DGKH: variants seen among roughly 807,000 people sequenced by gnomAD.
DGKH encodes the protein DAG kinase eta.
A neutral mutation model predicts 159.3 loss-of-function variants in DGKH; 90 were observed. The observed-to-expected ratio is 0.57, with a 90% CI of 0.48 to 0.67. DGKH has a LOEUF of 0.67. Ranked by LOEUF, DGKH falls within the 30% of genes least tolerant of loss-of-function variation. The probability of loss-of-function intolerance (pLI) is 0.00; values close to 1 mark genes in which losing one functional copy is unlikely to be tolerated. For synonymous variants in DGKH, 536 were observed against 553.8 expected, an observed-to-expected ratio of 0.97 and a Z score of 0.45; for missense variants, 1,181 against 1,506.1, an observed-to-expected ratio of 0.78 and a Z score of 3.57.
intron 3 of DGKH, chr13:42,153,754 A>G (rs1955974349): frequency 6.6e-6 from 1 of 152,238 alleles, no homozygotes; most frequent in South Asian, 2.1e-4. Context: ...ATTCAGGAAG[A>G]GAAGTGACCA....
At chr13:42,146,879 G>A (rs1004886552) in intron 3 of DGKH, among the ~76,000 whole-genome samples, 3 of 152,194 alleles carry the variant, frequency 2.0e-5, no homozygotes, top group African/African-American at 7.2e-5. Context: ...TTTGAATTTT[G>A]TATCATAAAT....
chr13:42,129,176 T>G (rs942793637), intron 2 of DGKH, among the ~76,000 whole-genome samples: 1 of 152,216 alleles, frequency 6.6e-6, no homozygotes, highest in African/African-American at 2.4e-5. Flanking sequence ...CTTGCAAACC[T>G]GGAAACAATG....
intron 30 of DGKH, among the ~76,000 whole-genome samples, chr13:42,254,446 A>G (rs988674410): frequency 1.3e-5 from 2 of 152,182 alleles, no homozygotes; most frequent in African/African-American, 2.4e-5. Flanking sequence ...AGCCTGGCCA[A>G]CATGGTGATA....
At chr13:42,082,775 T>TA (rs1175720538) in intron 1 of DGKH, among the ~76,000 whole-genome samples, 1 of 152,238 alleles carries the variant, frequency 6.6e-6, no homozygotes, top group Non-Finnish European at 1.5e-5. Flanking sequence ...ACATCAGTAA[T>TA]ACTCTGTATT....
chr13:42,151,623 A>G (rs1955907014), intron 3 of DGKH, among the ~76,000 whole-genome samples: 1 of 146,668 alleles, frequency 6.8e-6, no homozygotes, highest in South Asian at 2.2e-4. Context: ...ACCCCATGGA[A>G]AACTACTCAG....
chr13:42,216,615 C>T (rs1383680655), intron 26 of DGKH: 3 of 152,172 alleles, frequency 2.0e-5, no homozygotes, highest in African/African-American at 7.2e-5. Flanking sequence ...AAAAGTGCCA[C>T]CTTTGGGGCA....
At chr13:42,121,041 T>G (rs1955058428) in intron 1 of DGKH, among the ~76,000 whole-genome samples, 1 of 145,482 alleles carries the variant, frequency 6.9e-6, no homozygotes, top group African/African-American at 2.5e-5. Context: ...ACCACATTTT[T>G]CTATGAAAGT....
chr13:42,061,976 A>AGTGTGTGTGTGG (rs1566081054), intron 1 of DGKH, among the ~76,000 whole-genome samples: 2 of 78,548 alleles, frequency 2.5e-5, no homozygotes, highest in South Asian at 6.2e-4. Flanking sequence ...AAAGATGGAG[A>AGTGTGTGTGTGG]GTGTGTGTGT....
At chr13:42,142,881 C>T (rs1039032372) in intron 3 of DGKH, among the ~76,000 whole-genome samples, 1 of 152,126 alleles carries the variant, frequency 6.6e-6, no homozygotes, top group African/African-American at 2.4e-5. Context: ...AACTGAATAC[C>T]GTTTATTTCC....
chr13:42,110,223 G>A (rs895677285), intron 1 of DGKH, among the ~76,000 whole-genome samples: 2 of 152,134 alleles, frequency 1.3e-5, no homozygotes, highest in Non-Finnish European at 2.9e-5. Flanking sequence ...GCAGTCAGAT[G>A]CCTGCACTTC....
chr13:42,186,013 GTGTGTGTGTGT>G (rs1407831227), intron 13 of DGKH, among the ~76,000 whole-genome samples: 19 of 50,128 alleles, frequency 3.8e-4, no homozygotes, highest in African/African-American at 6.1e-4. Flanking sequence ...TGGTGGTGGT[GTGTGTGTGTGT>G]GTGTGTGTGT....
At chr13:42,187,500 C>T (rs769227285) in intron 14 of DGKH, among the ~76,000 whole-genome samples, 1 of 152,064 alleles carries the variant, frequency 6.6e-6, no homozygotes, top group Admixed American at 6.6e-5. Flanking sequence ...TCTCAGCCCC[C>T]CAAGTAGCTG....
intron 3 of DGKH, among the ~76,000 whole-genome samples, chr13:42,132,963 TC>T (rs1955319456): frequency 6.6e-6 from 1 of 151,838 alleles, no homozygotes; most frequent in Non-Finnish European, 1.5e-5. Context: ...GGTCAGGAGA[TC>T]GAGACCATCC....
rs922720724 is a variant in DGKH, at chr13:42,235,943, A to G, written c.*6755A>G. ...ATATTAAAATTTTTCTTATCTTTTT[A>G]TATCAAAATAATTATGCTGGCTATT... is the stretch of plus-strand genomic sequence containing the variant. On this transcript the variant is annotated 3_prime_UTR_variant, in exon 30 of 30. Transcript: ENST00000337343. The G allele has an allele frequency of 1.3e-5, 2 of 152,114 alleles. No individual in the cohort carries two copies. Among genetic ancestry groups the G allele is most frequent in the Non-Finnish European group, 1.5e-5 (1 of 67,988 alleles). The allele number at this position is 152,114 out of a possible 1,614,324, so 9.4% of individuals were successfully genotyped here. A position where few individuals can be genotyped will look rare whatever the true frequency, so the allele number is the denominator to read the frequency against.
At chr13:42,164,454 A>T (rs943154753) in intron 7 of DGKH, among the ~76,000 whole-genome samples, 32 of 152,312 alleles carry the variant, frequency 2.1e-4, no homozygotes, top group African/African-American at 6.3e-4. Context: ...TAGAATTATT[A>T]TTGAATTTTA....
chr13:42,065,022 A>G (rs560194946), intron 1 of DGKH, among the ~76,000 whole-genome samples: 1 of 152,162 alleles, frequency 6.6e-6, no homozygotes, highest in Non-Finnish European at 1.5e-5. Flanking sequence ...TATTCTGAGG[A>G]TTAAGGAGAT....
intron 1 of DGKH, among the ~76,000 whole-genome samples, chr13:42,111,683 A>C (rs1224739843): frequency 6.6e-6 from 1 of 152,258 alleles, no homozygotes; most frequent in Non-Finnish European, 1.5e-5. Flanking sequence ...TTCAAACAAA[A>C]TAATAAAGAT....
rs995552554 is a variant in DGKH at position 42,237,177 on chromosome 13, G to A, written c.*7989G>A. On this transcript the variant is annotated 3_prime_UTR_variant, in exon 30 of 30. Transcript: ENST00000337343. ...TAAAACACATGTTTTCAAGGAAGAA[G>A]AAAAAACTGTTTTGACTTAATGTGA... 3.1e-4 allele frequency: 47 copies of A among 152,274 alleles called. No individual in the cohort carries two copies. The highest frequency in any genetic ancestry group is 1.1e-3 in the African/African-American group (46 of 41,570). 9.4% of individuals were successfully genotyped at this position (152,274 alleles called of 1,614,324 possible).
chr13:42,181,042 C>T (rs1291845715), intron 13 of DGKH, among the ~76,000 whole-genome samples: 4 of 151,838 alleles, frequency 2.6e-5, no homozygotes, highest in East Asian at 1.9e-4. Flanking sequence ...TTTGGAAGGC[C>T]GAGGCGGGCG....
Sources: allele counts gnomAD v4.1 joint callset (sites outside exome capture counted in the v4.1 genomes callset), GRCh38; gene constraint gnomAD v4.1.1; transcripts MANE v1.5; gene names NCBI Gene and HGNC (gene_info 2026-07-23, HGNC 2026-07-21).